The following SAMD12 variants were observed in gnomAD, a reference collection of about 807,000 sequenced individuals.
SAMD12 encodes sterile alpha motif domain containing 12, also known as sterile alpha motif domain-containing protein 12.
A neutral mutation model predicts 15.0 loss-of-function variants in SAMD12; 9 were observed. The observed-to-expected ratio is 0.60, with a 90% confidence interval of 0.36 to 1.05. SAMD12 has a LOEUF of 1.05. Ranked by LOEUF, SAMD12 falls within the 50% of genes least tolerant of loss-of-function variation. The probability of loss-of-function intolerance (pLI) is 0.01; values close to 1 mark genes in which losing one functional copy is unlikely to be tolerated. For missense variants in SAMD12, 230 were observed against 234.2 expected, an observed-to-expected ratio of 0.98 and a Z score of 0.12; for synonymous variants, 86 against 90.1, an observed-to-expected ratio of 0.96 and a Z score of 0.25.
Position 118,321,172 on chromosome 8 carries a change from T to A in SAMD12, c.433+58388A>T, listed in dbSNP as rs1307883770. Among the ~76,000 whole-genome samples the A allele has an allele frequency of 3.1e-5, 3 of 98,122 alleles. 1 individual carries two copies. The highest frequency in any genetic ancestry group is 2.3e-4 in the East Asian group (1 of 4,300). The allele number at this position is 98,122 out of a possible 152,430, so 64.4% of individuals were successfully genotyped here. On this transcript the variant is annotated intron_variant, in intron 4 of 4. Coordinates refer to the SAMD12 transcript ENST00000409003. ...ATATATATATATATATATATATATATATATATATATATATTCTTCATCAGC... is the reference window on the plus strand; with the variant it reads ...ATATATATATATATATATATATATAAATATATATATATATTCTTCATCAGC...
At chr8:118,444,126 T>C (rs1822835660) in intron 2 of SAMD12, among the ~76,000 whole-genome samples, 1 of 152,056 alleles carries the variant, frequency 6.6e-6, no homozygotes, top group Non-Finnish European at 1.5e-5. Context: ...GCCTAAATAA[T>C]AATAGTCCAT....
chr8:118,172,578 G>A, the SAMD12 span, among the ~76,000 whole-genome samples: 1 of 152,024 alleles, frequency 6.6e-6, no homozygotes, highest in East Asian at 1.9e-4. Context: ...AGGTACTATT[G>A]GGTTTTTAAA....
chr8:118,494,047 C>T (rs184039957), intron 2 of SAMD12, among the ~76,000 whole-genome samples: 403 of 152,232 alleles, frequency 2.6e-3, no homozygotes, highest in Non-Finnish European at 4.9e-3. Context: ...GTGTATTGGG[C>T]AGTGAGCTCA....
At chr8:118,521,610 G>C (rs1473331013) in intron 2 of SAMD12, among the ~76,000 whole-genome samples, 1 of 152,212 alleles carries the variant, frequency 6.6e-6, no homozygotes, top group East Asian at 1.9e-4. Flanking sequence ...TGAAGTGACT[G>C]ATGCGTGACC....
chr8:118,465,668 T>C (rs1003367738), intron 2 of SAMD12, among the ~76,000 whole-genome samples: 2 of 151,702 alleles, frequency 1.3e-5, no homozygotes, highest in African/African-American at 4.9e-5. Flanking sequence ...AGGCAGTTAT[T>C]TTATGTTAAA....
intron 1 of SAMD12, among the ~76,000 whole-genome samples, chr8:118,604,935 A>T (rs1325504363): frequency 1.3e-5 from 2 of 152,148 alleles, no homozygotes; most frequent in African/African-American, 2.4e-5. Context: ...AAAATAAAAA[A>T]AATAAAAATA....
At chr8:118,314,136 T>C (rs1815762587) in intron 4 of SAMD12, among the ~76,000 whole-genome samples, 1 of 152,196 alleles carries the variant, frequency 6.6e-6, no homozygotes, top group South Asian at 2.1e-4. Flanking sequence ...GCATTTTCTA[T>C]ATATTTTTTC....
At chr8:118,374,023 T>G (rs1176425637), downstream of SAMD12, among the ~76,000 whole-genome samples, 2 of 152,010 alleles carry the variant, frequency 1.3e-5, no homozygotes, top group African/African-American at 4.8e-5. Flanking sequence ...TAGTACTAAA[T>G]CTACTATCTT....
chr8:118,265,677 A>G (rs750545094), intron 4 of SAMD12, among the ~76,000 whole-genome samples: 43 of 151,900 alleles, frequency 2.8e-4, no homozygotes, highest in Non-Finnish European at 5.9e-4. Context: ...AGAATCTAGT[A>G]TGATAAATAA....
intron 1 of SAMD12, among the ~76,000 whole-genome samples, chr8:118,601,296 G>A (rs1827860646): frequency 6.6e-6 from 1 of 151,914 alleles, no homozygotes; most frequent in Non-Finnish European, 1.5e-5. Context: ...CTTACTCTAG[G>A]ATATTACCAG....
intron 2 of SAMD12, among the ~76,000 whole-genome samples, chr8:118,558,816 G>A (rs1352003796): frequency 2.6e-5 from 4 of 151,928 alleles, no homozygotes; most frequent in African/African-American, 7.3e-5. Flanking sequence ...CTCAGCCTCC[G>A]AAAGTGCTGG....
intron 2 of SAMD12, among the ~76,000 whole-genome samples, chr8:118,549,048 C>G (rs534156978): frequency 6.6e-6 from 1 of 152,264 alleles, no homozygotes; most frequent in Non-Finnish European, 1.5e-5. Flanking sequence ...GTGGAGCCCA[C>G]CACAGCTCAA....
Position 118,204,551 on chromosome 8 carries a change from G to C in SAMD12, c.434-6819C>G, listed in dbSNP as rs960979419. Among the ~76,000 whole-genome samples the C allele has an allele frequency of 2.0e-5, 3 of 151,912 alleles. No homozygotes were observed. The South Asian group carries it at 6.2e-4, about 32-fold the overall frequency. On this transcript the variant is annotated intron_variant, in intron 4 of 4. Transcript: ENST00000409003. ...GGGCAGATCACGAGGTCAGAAGATC[G>C]ACACCATCCTGGCTAACATGGTGAA...
At chr8:118,450,843 G>A (rs956971941) in intron 2 of SAMD12, among the ~76,000 whole-genome samples, 2 of 152,066 alleles carry the variant, frequency 1.3e-5, no homozygotes, top group African/African-American at 2.4e-5. Context: ...TTTCCAAGAG[G>A]CTTGGCATGC....
At chr8:118,306,974 A>G (rs1367674169) in intron 4 of SAMD12, among the ~76,000 whole-genome samples, 1 of 152,196 alleles carries the variant, frequency 6.6e-6, no homozygotes, top group African/African-American at 2.4e-5. Flanking sequence ...AAGCAGGGTA[A>G]GATCTGGCCA....
chr8:118,430,863 T>C (rs1448036339), intron 3 of SAMD12, among the ~76,000 whole-genome samples: 1 of 152,212 alleles, frequency 6.6e-6, no homozygotes, highest in Non-Finnish European at 1.5e-5. Flanking sequence ...TCTCTGTCTT[T>C]TAACTAGTGT....
At chr8:118,415,981 C>T (rs1014184827) in intron 3 of SAMD12, among the ~76,000 whole-genome samples, 2 of 152,120 alleles carry the variant, frequency 1.3e-5, no homozygotes, top group African/African-American at 2.4e-5. Context: ...ATTTATCTAG[C>T]GTGGCTTTCC....
intron 4 of SAMD12, among the ~76,000 whole-genome samples, chr8:118,230,632 C>T (rs114605075): frequency 9.2e-5 from 14 of 151,928 alleles, no homozygotes; most frequent in African/African-American, 2.9e-4. Flanking sequence ...GAGGTTTCAC[C>T]GAGAAAAATG....
At chr8:118,236,679 C>T (rs989158105) in intron 4 of SAMD12, among the ~76,000 whole-genome samples, 1 of 152,210 alleles carries the variant, frequency 6.6e-6, no homozygotes, top group Admixed American at 6.5e-5. Flanking sequence ...GCACAAATGA[C>T]ATCCATCTTC....
Sources: allele counts gnomAD v4.1 joint callset (sites outside exome capture counted in the v4.1 genomes callset), GRCh38; gene constraint gnomAD v4.1.1; transcripts MANE v1.5; gene names NCBI Gene and HGNC (gene_info 2026-07-23, HGNC 2026-07-21).